Variants in OSBPL6 observed in about 807,000 individuals in gnomAD.
OSBPL6 encodes the protein oxysterol-binding protein-related protein 6.
OSBPL6 carries 49 observed loss-of-function variants against 125.8 expected under a neutral mutation model. That is an observed-to-expected ratio of 0.39 (90% confidence interval 0.31 to 0.49). The LOEUF is 0.49. Ranked by LOEUF, OSBPL6 falls within the 20% of genes least tolerant of loss-of-function variation. The probability of loss-of-function intolerance (pLI) is 0.88; values close to 1 mark genes in which losing one functional copy is unlikely to be tolerated. For synonymous variants in OSBPL6, 394 were observed against 391.8 expected (o/e 1.01, Z -0.07); for missense variants, 986 against 1,135.4 (o/e 0.87, Z 1.89).
At chr2:178,306,533 C>A (rs991119415) in intron 3 of OSBPL6, among the ~76,000 whole-genome samples, 1 of 152,118 alleles carries the variant, frequency 6.6e-6, no homozygotes, top group African/African-American at 2.4e-5. Flanking sequence ...GAAGCCCTGC[C>A]GTCTTTTCCT....
intron 1 of OSBPL6, among the ~76,000 whole-genome samples, chr2:178,268,703 G>C (rs1165031901): frequency 6.6e-6 from 1 of 150,584 alleles, no homozygotes; most frequent in East Asian, 1.9e-4. Flanking sequence ...TTTTTATTCT[G>C]TTTATTATTT....
intron 11 of OSBPL6, chr2:178,344,182 TA>T (rs1690480282): frequency 2.0e-6 from 2 of 1,015,592 alleles, no homozygotes; most frequent in Non-Finnish European, 1.5e-6. Flanking sequence ...CGACTTCAGT[TA>T]AAAACTCTCC....
intron 5 of OSBPL6, among the ~76,000 whole-genome samples, chr2:178,329,313 T>TA (rs1257464139): frequency 6.6e-6 from 1 of 152,202 alleles, no homozygotes; most frequent in East Asian, 1.9e-4. Flanking sequence ...AAATATTTTT[T>TA]ACTGCATTTT....
chr2:178,235,564 G>A (rs891456547), intron 1 of OSBPL6, among the ~76,000 whole-genome samples: 27 of 151,534 alleles, frequency 1.8e-4, no homozygotes, highest in Middle Eastern at 3.2e-3. Flanking sequence ...GTGCCACTAC[G>A]CCCGGCTAAT....
intron 11 of OSBPL6, among the ~76,000 whole-genome samples, chr2:178,343,497 C>T (rs1690410704): frequency 6.6e-6 from 1 of 152,062 alleles, no homozygotes; most frequent in African/African-American, 2.4e-5. Flanking sequence ...ATCCCATCCA[C>T]CAAGAAGAAG....
intron 9 of OSBPL6, 98 bp from the exon 10 acceptor site, chr2:178,338,893 C>T (rs1438084778): frequency 2.7e-6 from 2 of 741,160 alleles, no homozygotes; most frequent in Non-Finnish European, 4.5e-6. Context: ...ATGGATCTGC[C>T]TACTTATATT....
At position 178,372,154 on chromosome 2, in the gene OSBPL6, G is replaced by A; in HGVS notation, c.1316G>A (p.Ser439Asn). 6.2e-7 allele frequency: 1 copy of A among 1,613,036 alleles called. No homozygotes were observed. The highest frequency in any genetic ancestry group is 2.2e-5 in the East Asian group (1 of 44,788). The change falls in exon 14 of 25, where the codon AGT becomes AAT. Residue 439 changes from serine to asparagine, a missense_variant. By Grantham distance (46) the Ser-to-Asn change is conservative. Coordinates refer to ENST00000190611, the MANE Select transcript of OSBPL6 (RefSeq NM_032523.4). ...CTCAACCAGAATGCTGAACTAAGGA[G>A]TCGGTTGAACAGAATACATTCAGAG... Reference protein sequence around the residue: ...QALNQNAELRSRLNRIHSESI... With the variant: ...QALNQNAELRNRLNRIHSESI...
chr2:178,215,616 G>T (rs2090061386), intron 1 of OSBPL6, among the ~76,000 whole-genome samples: 1 of 152,144 alleles, frequency 6.6e-6, no homozygotes, highest in Non-Finnish European at 1.5e-5. Flanking sequence ...AGAGAGAGAA[G>T]AAGCCCTCTC....
chr2:178,299,591 A>G (rs1250801809), intron 2 of OSBPL6, among the ~76,000 whole-genome samples: 1 of 152,028 alleles, frequency 6.6e-6, no homozygotes, highest in Non-Finnish European at 1.5e-5. Context: ...AAGTTAACCC[A>G]TAAGCAGTGC....
At chr2:178,379,605 G>A (rs949847169) in intron 15 of OSBPL6, among the ~76,000 whole-genome samples, 11 of 152,172 alleles carry the variant, frequency 7.2e-5, no homozygotes, top group Admixed American at 5.2e-4. Context: ...ATGTGAATTT[G>A]GTTTAGGTAG....
chr2:178,248,834 A>G (rs2091584399), intron 1 of OSBPL6, among the ~76,000 whole-genome samples: 1 of 152,242 alleles, frequency 6.6e-6, no homozygotes, highest in Non-Finnish European at 1.5e-5. Flanking sequence ...AGGAAAAAAA[A>G]ACATCTGAAA....
chr2:178,223,260 G>A (rs1029633977), intron 1 of OSBPL6, among the ~76,000 whole-genome samples: 2 of 152,188 alleles, frequency 1.3e-5, no homozygotes, highest in East Asian at 1.9e-4. Context: ...TTCAGATAGA[G>A]CATTTTTCTG....
chr2:178,234,246 A>G (rs186636598), intron 1 of OSBPL6, among the ~76,000 whole-genome samples: 1 of 152,304 alleles, frequency 6.6e-6, no homozygotes, highest in Admixed American at 6.5e-5. Context: ...GTTGAATCTG[A>G]ATGAATATGG....
chr2:178,332,496 A>G, intron 6 of OSBPL6, 145 bp from the exon 7 acceptor site: 1 of 617,618 alleles, frequency 1.6e-6, no homozygotes, highest in Non-Finnish European at 2.9e-6. Flanking sequence ...ATAGAACCTT[A>G]ACTATTTTCT....
intron 23 of OSBPL6, among the ~76,000 whole-genome samples, chr2:178,393,184 T>A (rs1285013565): frequency 6.6e-6 from 1 of 152,206 alleles, no homozygotes; most frequent in African/African-American, 2.4e-5. Flanking sequence ...GTTTCTGACC[T>A]TTTTACTTCT....
At chr2:178,374,811 A>G (rs1575005981) in intron 15 of OSBPL6, among the ~76,000 whole-genome samples, 1 of 152,224 alleles carries the variant, frequency 6.6e-6, no homozygotes, top group Non-Finnish European at 1.5e-5. Context: ...ACATCCTGAC[A>G]ATTAGTAGTA....
At chr2:178,266,174 C>G (rs913648417) in intron 1 of OSBPL6, among the ~76,000 whole-genome samples, 1 of 152,150 alleles carries the variant, frequency 6.6e-6, no homozygotes, top group Non-Finnish European at 1.5e-5. Context: ...GGGCAGATCA[C>G]ACTGAGATTC....
chr2:178,204,148 C>T (rs1258667816), intron 1 of OSBPL6, among the ~76,000 whole-genome samples: 9 of 151,860 alleles, frequency 5.9e-5, no homozygotes, highest in East Asian at 3.9e-4. Context: ...CTTGGCCCCC[C>T]GAGTAGTTGG....
chr2:178,310,691 A>G (rs1687196252), intron 3 of OSBPL6, among the ~76,000 whole-genome samples: 1 of 152,132 alleles, frequency 6.6e-6, no homozygotes. Context: ...TGCGGGGATT[A>G]CAGGCGTGAG....
Sources: gnomAD v4.1 joint callset for allele counts (sites outside exome capture counted in the v4.1 genomes callset) on GRCh38, gnomAD v4.1.1 for gene constraint, MANE v1.5 for transcripts, NCBI Gene and HGNC (gene_info 2026-07-23, HGNC 2026-07-21) for gene names.